The following PM20D2 variants were observed in gnomAD, a reference collection of about 807,000 sequenced individuals.
The protein encoded by PM20D2 is xaa-Arg dipeptidase.
Under a neutral mutation model 42.9 loss-of-function variants are expected in PM20D2, and 33 were observed. That is an observed-to-expected ratio of 0.77 (90% CI 0.58 to 1.03). The LOEUF (loss-of-function observed/expected upper bound fraction) is 1.03, where lower values mean the gene tolerates loss of function less well. PM20D2 is among the 50% of genes least tolerant of loss of function. The probability of loss-of-function intolerance (pLI) is 0.00; values close to 1 mark genes in which losing one functional copy is unlikely to be tolerated. For synonymous variants in PM20D2, 250 were observed against 228.2 expected, an observed-to-expected ratio of 1.10 and a Z score of -0.86; for missense variants, 548 against 557.0, an observed-to-expected ratio of 0.98 and a Z score of 0.16.
chr6:89,152,193 C>T (rs189124472), intron 2 of PM20D2, among the ~76,000 whole-genome samples: 1 of 152,152 alleles, frequency 6.6e-6, no homozygotes, highest in East Asian at 1.9e-4. Flanking sequence ...GATGTTTTTA[C>T]TTGATTTTTG....
the PM20D2 span, among the ~76,000 whole-genome samples, chr6:89,131,498 G>A: frequency 5.3e-5 from 8 of 151,192 alleles, no homozygotes; most frequent in African/African-American, 1.5e-4. Flanking sequence ...GACCAGCCTC[G>A]GCAACATAAC....
At chr6:89,100,876 G>A in the PM20D2 span, among the ~76,000 whole-genome samples, 6 of 152,190 alleles carry the variant, frequency 3.9e-5, no homozygotes, top group Non-Finnish European at 8.8e-5. Context: ...AGGCCAAGGC[G>A]AGTGGATCAC....
the PM20D2 span, among the ~76,000 whole-genome samples, chr6:89,128,987 C>T: frequency 6.6e-6 from 1 of 152,044 alleles, no homozygotes; most frequent in Non-Finnish European, 1.5e-5. Flanking sequence ...CAACAATATC[C>T]ACAATGTGGA....
At chr6:89,112,416 A>AATT in the PM20D2 span, among the ~76,000 whole-genome samples, 1 of 149,928 alleles carries the variant, frequency 6.7e-6, no homozygotes. Flanking sequence ...TGTCCAAATT[A>AATT]ATTTCTTTCT....
chr6:89,149,349 G>A lies in PM20D2; in HGVS notation c.550G>A (p.Val184Ile). ...IEAGAFTNLD[V>I]VFMAHPSQEN... ...AGCAGGGGCTTTTACAAATCTTGAT[G>A]TTGTTTTTATGGCCCACCCATCACA... Residue 184 changes from valine (V) to isoleucine (I), a missense_variant, in exon 2 of 7, where the codon GTT (valine) becomes ATT (isoleucine). Coordinates refer to ENST00000275072, the MANE Select transcript of PM20D2 (RefSeq NM_001010853.3). The A allele has an allele frequency of 1.2e-6, 2 of 1,614,046 alleles. No individual in the cohort carries two copies. The highest frequency in any genetic ancestry group is 1.1e-5 in the South Asian group (1 of 91,082).
the PM20D2 span, among the ~76,000 whole-genome samples, chr6:89,121,448 G>C: frequency 1.3e-5 from 2 of 152,234 alleles, no homozygotes; most frequent in South Asian, 4.1e-4. Flanking sequence ...AACTGATGAA[G>C]CTGTATTTTG....
the PM20D2 span, among the ~76,000 whole-genome samples, chr6:89,125,783 C>CAAA: frequency 3.5e-5 from 5 of 143,386 alleles, no homozygotes; most frequent in East Asian, 8.2e-4. Context: ...AACTCTGTCT[C>CAAA]AAAAAAAAAA....
the PM20D2 span, chr6:89,105,369 G>C: frequency 4.5e-6 from 7 of 1,562,274 alleles, no homozygotes; most frequent in Non-Finnish European, 6.1e-6. Flanking sequence ...TAAAAAATCA[G>C]TCATCACTGA....
chr6:89,117,612 T>C, the PM20D2 span, among the ~76,000 whole-genome samples: 27,472 of 151,950 alleles, frequency 0.18, 3,324 homozygotes, highest in East Asian at 0.66. Context: ...GCGCCGGGGC[T>C]GAAAGCTGGC....
At chr6:89,133,150 T>TC in the PM20D2 span, among the ~76,000 whole-genome samples, 1 of 148,304 alleles carries the variant, frequency 6.7e-6, no homozygotes, top group African/African-American at 2.6e-5. Flanking sequence ...GAACACTTGA[T>TC]CCCAGGAGTT....
the PM20D2 span, among the ~76,000 whole-genome samples, chr6:89,119,659 G>A: frequency 6.6e-6 from 1 of 152,200 alleles, no homozygotes. Context: ...AAATCCAGGT[G>A]TCCGCAGGGC....
chr6:89,134,106 G>A, the PM20D2 span, among the ~76,000 whole-genome samples: 5 of 150,978 alleles, frequency 3.3e-5, no homozygotes, highest in South Asian at 2.1e-4. Flanking sequence ...TTGCAGCCTC[G>A]GCCCTGACTC....
At chr6:89,099,445 T>TATATATATGTGTGTATATATACACACAC in the PM20D2 span, among the ~76,000 whole-genome samples, 8 of 91,360 alleles carry the variant, frequency 8.8e-5, no homozygotes, top group African/African-American at 2.6e-4. Flanking sequence ...TATATACACA[T>TATATATATGTGTGTATATATACACACAC]ATATATGTGT....
chr6:89,107,585 G>T, the PM20D2 span, among the ~76,000 whole-genome samples: 2 of 152,022 alleles, frequency 1.3e-5, no homozygotes, highest in East Asian at 3.9e-4. Context: ...ACAAAAATCA[G>T]CCAGGTGTGG....
At chr6:89,102,825 C>T in the PM20D2 span, among the ~76,000 whole-genome samples, 1,082 of 152,242 alleles carry the variant, frequency 7.1e-3, 15 homozygotes, top group African/African-American at 0.025. Context: ...AATCATGGCT[C>T]ACTGCAGCCT....
intron 2 of PM20D2, 101 bp downstream of exon 2, chr6:89,149,514 G>T: frequency 1.5e-6 from 2 of 1,364,454 alleles, no homozygotes; most frequent in East Asian, 2.3e-5. Flanking sequence ...GTATATTTAA[G>T]AAGTAAATTG....
Position 89,164,938 on chromosome 6 carries a change from A to AAAAAAAAAG in PM20D2, c.*2679_*2680insAAAAGAAAA, listed in dbSNP as rs1554188017. The AAAAAAAAAG allele has an allele frequency of 7.0e-6, 1 of 142,824 alleles. No individual in the cohort carries two copies. The highest frequency in any genetic ancestry group is 2.6e-5 in the African/African-American group (1 of 38,186). 8.8% of individuals were successfully genotyped at this position (142,824 alleles called of 1,614,324 possible). A position where few individuals can be genotyped will look rare whatever the true frequency, so the allele number is the denominator to read the frequency against. On this transcript the variant is annotated 3_prime_UTR_variant, in exon 7 of 7. Transcript: ENST00000275072. ...CTGTGCCTGTAAAAAAAAAAAAAAA[A>AAAAAAAAAG]AAAAGAAAAGAAAAGACACTGTTGC...
At chr6:89,105,517 G>A in the PM20D2 span, 3 of 1,602,838 alleles carry the variant, frequency 1.9e-6, no homozygotes, top group Non-Finnish European at 2.6e-6. Context: ...TCAGCATCTC[G>A]AACATCTTCA....
At chr6:89,115,658 C>T in the PM20D2 span, among the ~76,000 whole-genome samples, 1 of 128,278 alleles carries the variant, frequency 7.8e-6, no homozygotes, top group Admixed American at 8.6e-5. Context: ...TTTTTTGAGA[C>T]GGAGTCCTCG....
Sources: gnomAD v4.1 joint callset for allele counts (sites outside exome capture counted in the v4.1 genomes callset) on GRCh38, gnomAD v4.1.1 for gene constraint, MANE v1.5 for transcripts, NCBI Gene and HGNC (gene_info 2026-07-23, HGNC 2026-07-21) for gene names.